The following GNAT1 variants were observed in gnomAD, a reference collection of about 807,000 sequenced individuals.
GNAT1 encodes the protein guanine nucleotide-binding protein G(t) subunit alpha-1.
A neutral mutation model predicts 40.0 loss-of-function variants in GNAT1; 36 were observed. The observed-to-expected ratio is 0.90, with a 90% CI of 0.69 to 1.19. The LOEUF is 1.19. Among genes scored for constraint, GNAT1 ranks in the 50% most tolerant of loss-of-function variants. The probability of loss-of-function intolerance (pLI) is 0.00; values close to 1 mark genes in which losing one functional copy is unlikely to be tolerated. For synonymous variants in GNAT1, 195 were observed against 192.9 expected (o/e 1.01, Z -0.09); for missense variants, 413 against 480.6 (o/e 0.86, Z 1.32).
rs1216987457 is a variant in GNAT1 at position 50,195,352 on chromosome 3, C to A, written c.*86C>A. 3 of 305,416 alleles carry A rather than the reference C, an allele frequency of 9.8e-6. No individual in the cohort carries two copies. The highest frequency in any genetic ancestry group is 1.9e-5 in the Non-Finnish European group (3 of 157,490). 18.9% of individuals were successfully genotyped at this position (305,416 alleles called of 1,614,324 possible). ...CCCCAAACCCCAGGACCCTATCAGCCCCCTGGGACTCCCTGGCCCCAACCT... is the reference window on the plus strand; with the variant it reads ...CCCCAAACCCCAGGACCCTATCAGCACCCTGGGACTCCCTGGCCCCAACCT... On this transcript the variant is annotated 3_prime_UTR_variant, in exon 9 of 9. Transcript: ENST00000232461.
At chr3:50,195,140 A>G in intron 8 of GNAT1, 128 bp from the exon 9 acceptor site, 1 of 504,348 alleles carries the variant, frequency 2.0e-6, no homozygotes. Context: ...AGTCCCACCC[A>G]TTGAATTTCT....
rs759804674 is a variant in GNAT1, at chr3:50,193,595, G to A, written c.381G>A (p.Trp127Ter). ...KEMSDIIQRL[W>*]KDSGIQACFE... ...TGTCGGACATCATCCAGCGGCTGTG[G>A]AAGGACTCCGGTATCCAGGCCTGTT... Residue 127 changes from tryptophan (W) to a stop codon, truncating the protein, a stop_gained, in exon 4 of 9, where the codon TGG becomes TGA. Transcript: ENST00000232461. LOFTEE classifies it high-confidence loss of function. The surrounding 1 kb of genome is among the most constrained non-coding windows in gnomAD (Gnocchi z 8.1). 6.2e-7 allele frequency: 1 copy of A among 1,612,948 alleles called. No individual in the cohort carries two copies. Among genetic ancestry groups the A allele is most frequent in the South Asian group, 1.1e-5 (1 of 91,088 alleles).
Position 50,194,418 on chromosome 3 carries a change from G to A in GNAT1, c.709-83G>A. The stretch of plus-strand genomic sequence containing the variant: ...CCTCTGAGAGCCAGCTGAGCGGGAA[G>A]CCCCGCGTGCCCGGGAGCCCAGAGA... On this transcript the variant is annotated intron_variant, in intron 6 of 8. Transcript: ENST00000232461. The surrounding 1 kb of genome is among the most constrained non-coding windows in gnomAD (Gnocchi z 6.1). 2.0e-6 allele frequency: 3 copies of A among 1,506,952 alleles called. No homozygotes were observed. The highest frequency in any genetic ancestry group is 2.3e-5 in the South Asian group (2 of 86,592). 93.3% of individuals were successfully genotyped at this position (1,506,952 alleles called of 1,614,324 possible). A position where few individuals can be genotyped will look rare whatever the true frequency, so the allele number is the denominator to read the frequency against.
In GNAT1 at chr3:50,193,236, G is replaced by A. The variant is rs1375080325; in HGVS notation, c.150-29G>A. The A allele has an allele frequency of 1.2e-6, 2 of 1,614,064 alleles. No homozygotes were observed. Among genetic ancestry groups the A allele is most frequent in the African/African-American group, 2.7e-5 (2 of 74,948 alleles). The stretch of plus-strand genomic sequence containing the variant: ...TGGGTCCTTCCCCACTTCCCCACGA[G>A]GCGCTGATTCTGCTCTCCTCGGCCT... On this transcript the variant is annotated intron_variant, in intron 2 of 8. Coordinates refer to ENST00000232461, the MANE Select transcript of GNAT1 (RefSeq NM_144499.3). This position sits in a 1 kb window ranked among gnomAD's most constrained non-coding sequence, Gnocchi z 8.1.
At position 50,194,901 on chromosome 3, in the gene GNAT1, C is replaced by G; in HGVS notation, c.999C>G (p.Asp333Glu). 1 of 1,613,930 alleles carries G rather than the reference C, an allele frequency of 6.2e-7. No homozygotes were observed. Among genetic ancestry groups the G allele is most frequent in the African/African-American group, 1.3e-5 (1 of 75,038 alleles). Residue 333 changes from aspartate (D) to glutamate (E), a missense_variant, in exon 8 of 9, where the codon GAC becomes GAG. Transcript: ENST00000232461. This position sits in a 1 kb window ranked among gnomAD's most constrained non-coding sequence, Gnocchi z 6.1. Reference protein sequence around the residue: ...TDTQNVKFVFDAVTDIIIKEN... With the variant: ...TDTQNVKFVFEAVTDIIIKEN... ...CGCAGAACGTCAAATTTGTCTTCGA[C>G]GCTGTCACCGACATCATCATCAAGG...
Position 50,194,324 on chromosome 3 carries a change from T to G in GNAT1, c.708+103T>G. 6.9e-7 allele frequency: 1 copy of G among 1,450,228 alleles called. No homozygotes were observed. The highest frequency in any genetic ancestry group is 1.2e-5 in the South Asian group (1 of 80,624). 89.8% of individuals were successfully genotyped at this position (1,450,228 alleles called of 1,614,324 possible). A position where few individuals can be genotyped will look rare whatever the true frequency, so the allele number is the denominator to read the frequency against. ...GGCTGGGGGAGGGCACGGGAGGGGA[T>G]GCCTGTCCCGGGCGGCCTGAGGAGG... On this transcript the variant is annotated intron_variant, in intron 6 of 8. Coordinates refer to ENST00000232461, the MANE Select transcript of GNAT1 (RefSeq NM_144499.3). The surrounding 1 kb of genome is among the most constrained non-coding windows in gnomAD (Gnocchi z 6.1).
In GNAT1 at chr3:50,194,711, C is replaced by A. The variant is rs1023387607; in HGVS notation, c.863-54C>A. 1 of 1,603,886 alleles carries A rather than the reference C, an allele frequency of 6.2e-7. No homozygotes were observed. Among genetic ancestry groups the A allele is most frequent in the Non-Finnish European group, 8.5e-7 (1 of 1,172,180 alleles). On this transcript the variant is annotated intron_variant, in intron 7 of 8. Coordinates refer to ENST00000232461, the MANE Select transcript of GNAT1 (RefSeq NM_144499.3). The surrounding 1 kb of genome is among the most constrained non-coding windows in gnomAD (Gnocchi z 6.1). Reference sequence around the variant, plus strand: ...CCCCGCCCCACGATCGCGGCGCGCACCCCCCGCACGGGGAAGGAAGGGCTG... The same window carrying A: ...CCCCGCCCCACGATCGCGGCGCGCAACCCCCGCACGGGGAAGGAAGGGCTG...
chr3:50,192,173 C>A (rs1042077665), intron 1 of GNAT1, among the ~76,000 whole-genome samples: 1 of 152,232 alleles, frequency 6.6e-6, no homozygotes, highest in African/African-American at 2.4e-5. Context: ...GTTTGATACG[C>A]CTGCTAGGCA....
At chr3:50,192,978 T>G in intron 1 of GNAT1, 155 bp from the exon 2 acceptor site, 1 of 699,454 alleles carries the variant, frequency 1.4e-6, no homozygotes. Flanking sequence ...TTAATTTGGA[T>G]GGGGGGGTAG....
In GNAT1 at chr3:50,193,719, C is replaced by T; in HGVS notation, c.450-34C>T. On this transcript the variant is annotated intron_variant, in intron 4 of 8. Transcript: ENST00000232461. This position sits in a 1 kb window ranked among gnomAD's most constrained non-coding sequence, Gnocchi z 8.1. ...CGCGGGGCGCAGGGGGCCCTCCACG[C>T]CTCCCCACCCACCTACGGCCGGGTC... The T allele has an allele frequency of 6.3e-7, 1 of 1,599,756 alleles. No individual in the cohort carries two copies. Among genetic ancestry groups the T allele is most frequent in the Non-Finnish European group, 8.5e-7 (1 of 1,173,780 alleles).
Position 50,191,633 on chromosome 3 carries a change from G to A in GNAT1, c.-93G>A. On this transcript the variant is annotated 5_prime_UTR_variant, in exon 1 of 9. Transcript: ENST00000232461. ...CCAGTTGATTGCAGGTCCTCCTGGG[G>A]CCAGAAGGGTGCCTGGGAGGCCAGG... The A allele has an allele frequency of 3.3e-6, 3 of 900,534 alleles. No homozygotes were observed. The highest frequency in any genetic ancestry group is 5.6e-6 in the Non-Finnish European group (3 of 536,988). 55.8% of individuals were successfully genotyped at this position (900,534 alleles called of 1,614,324 possible). A position where few individuals can be genotyped will look rare whatever the true frequency, so the allele number is the denominator to read the frequency against.
In GNAT1 at chr3:50,193,878, TC is replaced by T; in HGVS notation, c.577del (p.Arg193GlyfsTer22). On this transcript the variant is annotated frameshift_variant and splice_region_variant, in exon 5 of 9. Coordinates refer to ENST00000232461, the MANE Select transcript of GNAT1 (RefSeq NM_144499.3). LOFTEE classifies it high-confidence loss of function. The surrounding 1 kb of genome is among the most constrained non-coding windows in gnomAD (Gnocchi z 8.1). ...CAGTTCTCCTTCAAGGATCTCAACT[TC>T]CGGTACGACCCATACGCTAGCCCAG... ...ETQFSFKDLN[F>X]RMFDVGGQRS... The T allele has an allele frequency of 6.2e-7, 1 of 1,613,240 alleles. No homozygotes were observed. Among genetic ancestry groups the T allele is most frequent in the Non-Finnish European group, 8.5e-7 (1 of 1,179,924 alleles).
At position 50,193,431 on chromosome 3, in the gene GNAT1, G is replaced by A; in HGVS notation, c.291+25G>A. 6.2e-7 allele frequency: 1 copy of A among 1,613,454 alleles called. No homozygotes were observed. The highest frequency in any genetic ancestry group is 8.5e-7 in the Non-Finnish European group (1 of 1,179,888). ...GGTGTGCCAGGAGGCGGGCTGAGCG[G>A]GCCTCTGGGGACTCGAGGCTCGCGG... On this transcript the variant is annotated intron_variant, in intron 3 of 8. Coordinates refer to ENST00000232461, the MANE Select transcript of GNAT1 (RefSeq NM_144499.3). This position sits in a 1 kb window ranked among gnomAD's most constrained non-coding sequence, Gnocchi z 8.1.
Position 50,193,469 on chromosome 3 carries a change from C to G in GNAT1, c.292-37C>G. The stretch of plus-strand genomic sequence containing the variant: ...TCGAGGCTCGCGGCTGGGCCCGAGT[C>G]CCTGGCCGCCACCAGCCACTCTCAC... On this transcript the variant is annotated intron_variant, in intron 3 of 8. Transcript: ENST00000232461. The surrounding 1 kb of genome is among the most constrained non-coding windows in gnomAD (Gnocchi z 8.1). 1 of 1,605,820 alleles carries G rather than the reference C, an allele frequency of 6.2e-7. No homozygotes were observed. Among genetic ancestry groups the G allele is most frequent in the Non-Finnish European group, 8.5e-7 (1 of 1,177,470 alleles).
At chr3:50,192,908 T>C (rs1040314775) in intron 1 of GNAT1, 7 of 610,824 alleles carry the variant, frequency 1.1e-5, no homozygotes, top group Non-Finnish European at 2.0e-5. Flanking sequence ...GTCCCCTCGT[T>C]GGCTTCCTTT....
In GNAT1 at chr3:50,194,510, C is replaced by T. The variant is rs373605188; in HGVS notation, c.718C>T (p.His240Tyr). 100 of 1,613,286 alleles carry T rather than the reference C, an allele frequency of 6.2e-5. No homozygotes were observed. Among genetic ancestry groups the T allele is most frequent in the Non-Finnish European group, 8.4e-5 (99 of 1,179,816 alleles). ...LVEDDEVNRM[H>Y]ESLHLFNSIC... The stretch of plus-strand genomic sequence containing the variant: ...CTGCTGCCCTCCTCAGAACCGCATG[C>T]ACGAGAGCCTGCACCTGTTCAACAG... The change falls in exon 7 of 9, where the codon CAC becomes TAC. Residue 240 changes from histidine to tyrosine, a missense_variant. Physicochemically the swap from His to Tyr is moderately conservative, Grantham distance 83. Coordinates refer to ENST00000232461, the MANE Select transcript of GNAT1 (RefSeq NM_144499.3). The surrounding 1 kb of genome is among the most constrained non-coding windows in gnomAD (Gnocchi z 6.1).
rs1699463117 is a variant in GNAT1 at position 50,194,006 on chromosome 3, G to A, written c.579-86G>A. 7 of 1,606,690 alleles carry A rather than the reference G, an allele frequency of 4.4e-6. No individual in the cohort carries two copies. Among genetic ancestry groups the A allele is most frequent in the East Asian group, 2.2e-5 (1 of 44,798 alleles). ...CGCCAGCAGAAAGGGTGGTAGTCCC[G>A]GCCGAGAGCTCCCCGACCAGCACAG... is the stretch of plus-strand genomic sequence containing the variant. On this transcript the variant is annotated intron_variant, in intron 5 of 8. Coordinates refer to ENST00000232461, the MANE Select transcript of GNAT1 (RefSeq NM_144499.3). The surrounding 1 kb of genome is among the most constrained non-coding windows in gnomAD (Gnocchi z 6.1).
In GNAT1 at chr3:50,193,605, G is replaced by T; in HGVS notation, c.391G>T (p.Gly131Cys). 1 of 1,612,816 alleles carries T rather than the reference G, an allele frequency of 6.2e-7. No homozygotes were observed. The highest frequency in any genetic ancestry group is 2.2e-5 in the East Asian group (1 of 44,872). ...DIIQRLWKDS[G>C]IQACFERASE... Reference sequence around the variant, plus strand: ...CATCCAGCGGCTGTGGAAGGACTCCGGTATCCAGGCCTGTTTTGAGCGCGC... The same window carrying T: ...CATCCAGCGGCTGTGGAAGGACTCCTGTATCCAGGCCTGTTTTGAGCGCGC... The change falls in exon 4 of 9, where the codon GGT becomes TGT. Residue 131 changes from glycine to cysteine, a missense_variant. Gly to Cys is a radical substitution (Grantham distance 159, BLOSUM62 -3). Transcript: ENST00000232461. The surrounding 1 kb of genome is among the most constrained non-coding windows in gnomAD (Gnocchi z 8.1).
In GNAT1 at chr3:50,194,822, A is replaced by G; in HGVS notation, c.920A>G (p.Asn307Ser). Residue 307 changes from asparagine to serine, a missense_variant, in exon 8 of 9, where the codon AAC (asparagine) becomes AGC (serine). Physicochemically the swap from Asn to Ser is conservative, Grantham distance 46. Coordinates refer to ENST00000232461, the MANE Select transcript of GNAT1 (RefSeq NM_144499.3). The surrounding 1 kb of genome is among the most constrained non-coding windows in gnomAD (Gnocchi z 6.1). Reference sequence around the variant, plus strand: ...ATCAAGGTGCAGTTCCTCGAGCTCAACATGCGGCGCGACGTGAAGGAGATC... The same window carrying G: ...ATCAAGGTGCAGTTCCTCGAGCTCAGCATGCGGCGCGACGTGAAGGAGATC... ...NYIKVQFLELNMRRDVKEIYS... is the reference protein window; with the variant it reads ...NYIKVQFLELSMRRDVKEIYS... The G allele has an allele frequency of 6.2e-7, 1 of 1,613,924 alleles. No homozygotes were observed. The highest frequency in any genetic ancestry group is 1.1e-5 in the South Asian group (1 of 91,078).
Sources: gnomAD v4.1 joint callset for allele counts (sites outside exome capture counted in the v4.1 genomes callset) on GRCh38, gnomAD v4.1.1 for gene constraint, Gnocchi (gnomAD v3.1) non-coding constraint, MANE v1.5 for transcripts, NCBI Gene and HGNC (gene_info 2026-07-23, HGNC 2026-07-21) for gene names.